The following ZNF827 variants were observed in gnomAD, a reference collection of about 807,000 sequenced individuals.
ZNF827 encodes zinc finger protein 827.
In ZNF827, 13 loss-of-function variants were observed where a neutral mutation model predicts 102.4. That is an observed-to-expected ratio of 0.13 (90% CI 0.08 to 0.20). The LOEUF is 0.20. Ranked by LOEUF, ZNF827 falls within the 10% of genes least tolerant of loss-of-function variation. The pLI is 1.00. For synonymous variants in ZNF827, 523 were observed against 536.2 expected (o/e 0.98, Z 0.34); for missense variants, 1,103 against 1,344.4 (o/e 0.82, Z 2.81).
intron 11 of ZNF827, among the ~76,000 whole-genome samples, chr4:145,770,021 G>A (rs934234698): frequency 1.3e-5 from 2 of 152,144 alleles, no homozygotes; most frequent in African/African-American, 4.8e-5. Flanking sequence ...ATCCAGGCTG[G>A]GTGCCGTGGC....
intron 4 of ZNF827, chr4:145,870,726 A>C: frequency 2.6e-6 from 1 of 381,540 alleles, no homozygotes; most frequent in Non-Finnish European, 4.7e-6. Context: ...TACCTCTACA[A>C]AGTTTCTGGG....
chr4:145,829,833 T>C (rs936967551), intron 7 of ZNF827, among the ~76,000 whole-genome samples: 6 of 152,202 alleles, frequency 3.9e-5, no homozygotes, highest in African/African-American at 1.4e-4. Context: ...TGGTTTTCCA[T>C]GTTGATACAT....
intron 1 of ZNF827, among the ~76,000 whole-genome samples, chr4:145,928,396 G>A (rs1753582657): frequency 6.6e-6 from 1 of 152,170 alleles, no homozygotes; most frequent in African/African-American, 2.4e-5. Context: ...CACTGGGTTG[G>A]CTGATGGTGA....
intron 1 of ZNF827, among the ~76,000 whole-genome samples, chr4:145,922,253 T>A (rs980387755): frequency 1.3e-5 from 2 of 152,220 alleles, no homozygotes; most frequent in Non-Finnish European, 2.9e-5. Flanking sequence ...TCTCAAAGTG[T>A]GGTGTGTGGA....
intron 7 of ZNF827, chr4:145,832,933 C>T (rs1358362468): frequency 2.0e-5 from 3 of 152,846 alleles, no homozygotes; most frequent in African/African-American, 7.2e-5. Flanking sequence ...CTCAGCCCAC[C>T]TGCACCCAGG....
chr4:145,864,833 C>CCTAACTA (rs1748040728), intron 5 of ZNF827, among the ~76,000 whole-genome samples: 1 of 152,122 alleles, frequency 6.6e-6, no homozygotes, highest in African/African-American at 2.4e-5. Context: ...GTCTCTACCA[C>CCTAACTA]CTAACTAGAT....
intron 8 of ZNF827, among the ~76,000 whole-genome samples, chr4:145,781,068 C>T (rs1382554905): frequency 2.6e-5 from 4 of 151,672 alleles, no homozygotes; most frequent in Admixed American, 6.6e-5. Flanking sequence ...TGGTGGCGGG[C>T]GCCTGAAATC....
chr4:145,759,324 C>G lies in ZNF827; in HGVS notation c.*2292G>C, dbSNP rs1734211898. On this transcript the variant is annotated 3_prime_UTR_variant, in exon 15 of 15. Coordinates refer to ENST00000508784, the MANE Select transcript of ZNF827 (RefSeq NM_001306215.2). ...ATCACCCATTACTTTTTAAGATTAG[C>G]AAAGAGCTTTACAACCAACCCACAC... 6.6e-6 allele frequency: 1 copy of G among 152,104 alleles called. No homozygotes were observed. The highest frequency in any genetic ancestry group is 6.5e-5 in the Admixed American group (1 of 15,274). 9.4% of individuals were successfully genotyped at this position (152,104 alleles called of 1,614,324 possible).
intron 8 of ZNF827, among the ~76,000 whole-genome samples, chr4:145,819,416 C>G (rs141294669): frequency 4.5e-4 from 69 of 152,244 alleles, no homozygotes; most frequent in Non-Finnish European, 8.1e-4. Flanking sequence ...CTCTTAACAG[C>G]CTTTGCTTAC....
chr4:145,799,131 TTGGGGTTG>T (rs1560937309), intron 8 of ZNF827, among the ~76,000 whole-genome samples: 2 of 152,340 alleles, frequency 1.3e-5, no homozygotes, highest in Middle Eastern at 3.4e-3. Flanking sequence ...TGATACTTTA[TTGGGGTTG>T]TGGGGTTGTG....
intron 8 of ZNF827, among the ~76,000 whole-genome samples, chr4:145,819,332 T>C (rs1157821400): frequency 2.6e-5 from 4 of 152,210 alleles, no homozygotes; most frequent in African/African-American, 9.7e-5. Flanking sequence ...GCAAACATAC[T>C]GTGACTTCAA....
chr4:145,774,434 G>A (rs188915733), intron 11 of ZNF827, 72 bp downstream of exon 11: 1,012 of 1,522,226 alleles, frequency 6.6e-4, no homozygotes, highest in Non-Finnish European at 8.6e-4. Context: ...GGGATGCTTC[G>A]GCCAGGTGGC....
At chr4:145,928,287 T>C (rs1195833067) in intron 1 of ZNF827, among the ~76,000 whole-genome samples, 1 of 152,206 alleles carries the variant, frequency 6.6e-6, no homozygotes, top group Non-Finnish European at 1.5e-5. Context: ...AAAACGTTCA[T>C]GCTCAAGCTC....
chr4:145,860,332 G>T (rs1747575009), intron 5 of ZNF827, among the ~76,000 whole-genome samples: 1 of 152,156 alleles, frequency 6.6e-6, no homozygotes, highest in Admixed American at 6.5e-5. Context: ...GCTCTGTAAG[G>T]CTGTCCCCAT....
At chr4:145,794,426 C>T (rs1740163566) in intron 8 of ZNF827, among the ~76,000 whole-genome samples, 1 of 152,174 alleles carries the variant, frequency 6.6e-6, no homozygotes, top group Non-Finnish European at 1.5e-5. Context: ...GCACACATAG[C>T]CTGCAATCCC....
chr4:145,862,231 A>C (rs1392303515), intron 5 of ZNF827, among the ~76,000 whole-genome samples: 4 of 152,220 alleles, frequency 2.6e-5, no homozygotes, highest in African/African-American at 9.7e-5. Context: ...GTAGCTGAGA[A>C]AGAACCAAGT....
intron 8 of ZNF827, among the ~76,000 whole-genome samples, chr4:145,797,747 T>C (rs1740513906): frequency 1.3e-5 from 2 of 152,244 alleles, no homozygotes; most frequent in African/African-American, 2.4e-5. Flanking sequence ...TACTATAATA[T>C]GTTGAGTTTT....
chr4:145,894,245 G>T (rs1437025539), intron 2 of ZNF827, among the ~76,000 whole-genome samples: 1 of 152,006 alleles, frequency 6.6e-6, no homozygotes, highest in Non-Finnish European at 1.5e-5. Flanking sequence ...TGAATAAATG[G>T]AACAAACAAA....
chr4:145,774,663 C>T lies in ZNF827; in HGVS notation c.2703G>A (p.Val901=), dbSNP rs1736773763. The T allele has an allele frequency of 1.2e-6, 2 of 1,613,602 alleles. No individual in the cohort carries two copies. Among genetic ancestry groups the T allele is most frequent in the Non-Finnish European group, 1.7e-6 (2 of 1,179,844 alleles). Residue 901 remains valine (V), a synonymous_variant, in exon 11 of 15, where the codon GTG becomes GTA. Coordinates refer to ENST00000508784, the MANE Select transcript of ZNF827 (RefSeq NM_001306215.2). ...KKHPYYYSCH[V]CGFETELNVQ... is the part of the protein sequence containing the mutation. ...CATTGAGCTCGGTCTCAAATCCACA[C>T]ACGTGACAACTACATGAAAGGGTAA...
Sources: allele counts gnomAD v4.1 joint callset (sites outside exome capture counted in the v4.1 genomes callset), GRCh38; gene constraint gnomAD v4.1.1; transcripts MANE v1.5; gene names NCBI Gene and HGNC (gene_info 2026-07-23, HGNC 2026-07-21).